Variants in PRDM15 observed in about 807,000 individuals in gnomAD.
PRDM15 encodes PR/SET domain 15.
PRDM15 carries 64 observed loss-of-function variants against 128.6 expected under a neutral mutation model. That is an observed-to-expected ratio of 0.50 (90% CI 0.41 to 0.61). PRDM15 has a LOEUF of 0.61. PRDM15 is among the 20% of genes least tolerant of loss of function. The pLI is 0.00. For synonymous variants in PRDM15, 615 were observed against 621.8 expected (o/e 0.99, Z 0.16); for missense variants, 1,242 against 1,569.1 (o/e 0.79, Z 3.52).
chr21:41,844,114 C>T (rs975716890), intron 6 of PRDM15, among the ~76,000 whole-genome samples: 3 of 152,096 alleles, frequency 2.0e-5, no homozygotes, highest in African/African-American at 7.2e-5. Context: ...CCTACACCAA[C>T]TCACAAAAGG....
chr21:41,822,810 G>A (rs561419902), intron 14 of PRDM15, among the ~76,000 whole-genome samples: 2 of 152,168 alleles, frequency 1.3e-5, no homozygotes, highest in East Asian at 3.9e-4. Flanking sequence ...TGAGGCAGGC[G>A]GATCACTTGA....
chr21:41,879,140 G>A lies in PRDM15; in HGVS notation c.-10+130C>T. 1 of 997,942 alleles carries A rather than the reference G, an allele frequency of 1.0e-6. No individual in the cohort carries two copies. The highest frequency in any genetic ancestry group is 1.2e-6 in the Non-Finnish European group (1 of 826,652). 61.8% of individuals were successfully genotyped at this position (997,942 alleles called of 1,614,324 possible). A position where few individuals can be genotyped will look rare whatever the true frequency, so the allele number is the denominator to read the frequency against. ...GGCGGCTGGACCGGGGCGGCGCGCG[G>A]CTGCCGGGCGCGGGGGGCGGGGGGC... is the stretch of plus-strand genomic sequence containing the variant. On this transcript the variant is annotated intron_variant, in intron 1 of 23. Coordinates refer to ENST00000398548, the MANE Select transcript of PRDM15 (RefSeq NM_001040424.3). This position sits in a 1 kb window ranked among gnomAD's most constrained non-coding sequence, Gnocchi z 5.1.
intron 1 of PRDM15, among the ~76,000 whole-genome samples, chr21:41,876,217 A>G (rs1569034337): frequency 6.6e-6 from 1 of 152,176 alleles, no homozygotes; most frequent in Non-Finnish European, 1.5e-5. Flanking sequence ...CTCCACTTCG[A>G]TAAATCATCA....
Position 41,854,648 on chromosome 21 carries a change from G to A in PRDM15, c.456C>T (p.Thr152=), listed in dbSNP as rs768949304. The change falls in exon 5 of 24, where the codon ACC becomes ACT. Residue 152 remains threonine, a synonymous_variant. Transcript: ENST00000398548. This position sits in a 1 kb window ranked among gnomAD's most constrained non-coding sequence, Gnocchi z 4.6. The part of the protein sequence containing the change: ...FTTSRDIPPG[T]ELRVWYAAFY... The stretch of plus-strand genomic sequence containing the variant: ...AGGCCGCATACCACACGCGCAGCTC[G>A]GTACCCGGGGGGATGTCTCTGGAGG... 21 of 1,613,636 alleles carry A rather than the reference G, an allele frequency of 1.3e-5. No homozygotes were observed. The highest frequency in any genetic ancestry group is 1.1e-4 in the East Asian group (5 of 44,890).
chr21:41,827,692 G>A (rs918801466), intron 12 of PRDM15, among the ~76,000 whole-genome samples: 3 of 152,118 alleles, frequency 2.0e-5, no homozygotes, highest in African/African-American at 7.2e-5. Context: ...TTTTCAACAA[G>A]CATATGCTTC....
chr21:41,822,505 G>A (rs907481259), intron 14 of PRDM15, among the ~76,000 whole-genome samples: 8 of 152,238 alleles, frequency 5.3e-5, no homozygotes, highest in Admixed American at 3.3e-4. Context: ...CAGCCACGGT[G>A]GGAGAGCAGT....
intron 14 of PRDM15, 33 bp from the exon 15 acceptor site, chr21:41,822,070 A>T: frequency 1.2e-6 from 2 of 1,612,186 alleles, no homozygotes; most frequent in Non-Finnish European, 1.7e-6. Context: ...GGTTTCTAAC[A>T]GCGCAGCAGA....
intron 1 of PRDM15, chr21:41,878,918 T>G: frequency 1.1e-6 from 1 of 945,950 alleles, no homozygotes; most frequent in South Asian, 4.9e-5. Flanking sequence ...GCGCTGGGCC[T>G]GGCCGCGGGC....
chr21:41,826,095 T>C (rs1358230542), intron 12 of PRDM15, 41 bp from the exon 13 acceptor site: 14 of 1,497,542 alleles, frequency 9.3e-6, no homozygotes, highest in South Asian at 3.4e-5. Flanking sequence ...TGAATACACA[T>C]AGAACACGCG....
chr21:41,835,420 G>C lies in PRDM15; in HGVS notation c.1366+17C>G. 6.3e-7 allele frequency: 1 copy of C among 1,599,442 alleles called. No individual in the cohort carries two copies. The highest frequency in any genetic ancestry group is 8.5e-7 in the Non-Finnish European group (1 of 1,173,838). On this transcript the variant is annotated intron_variant, in intron 11 of 23. Transcript: ENST00000398548. ...TACCGCACAGCGGCCGAGGGGAGAC[G>C]TGACCGGCGCCCTCACCTGTCCTGC...
In PRDM15 at chr21:41,802,779, T is replaced by TAG; in HGVS notation, c.2875_2876insCT (p.Glu959AlafsTer11). ...ACTGCCTGTGAACTCCGTCTCTTTC[T>TAG]CTGAGTATTCGCTGAAGGTGGCGTC... On this transcript the variant is annotated frameshift_variant, in exon 23 of 24. Coordinates refer to ENST00000398548, the MANE Select transcript of PRDM15 (RefSeq NM_001040424.3). LOFTEE classifies it high-confidence loss of function. 6.2e-7 allele frequency: 1 copy of TAG among 1,614,226 alleles called. No individual in the cohort carries two copies. The highest frequency in any genetic ancestry group is 8.5e-7 in the Non-Finnish European group (1 of 1,180,048).
At chr21:41,803,199 C>T (rs932278859) in intron 22 of PRDM15, 5 of 470,478 alleles carry the variant, frequency 1.1e-5, no homozygotes, top group Admixed American at 6.9e-5. Flanking sequence ...AGAAACTTAA[C>T]GTTTTAAGCC....
At chr21:41,858,247 C>A (rs1041949549) in intron 3 of PRDM15, among the ~76,000 whole-genome samples, 4 of 152,266 alleles carry the variant, frequency 2.6e-5, no homozygotes, top group Non-Finnish European at 2.9e-5. Context: ...GGCATAGGAG[C>A]CGGGACGAGC....
chr21:41,847,325 G>T, intron 5 of PRDM15, 134 bp from the exon 6 acceptor site: 1 of 613,558 alleles, frequency 1.6e-6, no homozygotes. Context: ...ACGGGCCTGT[G>T]GTCACTCCAC....
At position 41,836,581 on chromosome 21, in the gene PRDM15, A is replaced by T. The variant is rs1568956736; in HGVS notation, c.1070T>A (p.Ile357Asn). Reference protein sequence around the residue: ...RSLILSSRHGIRRKLIKQLGE... With the variant: ...RSLILSSRHGNRRKLIKQLGE... ...GAGCTGTTTGATGAGCTTGCGCCGGATGCCGTGTCTGCTTGAGAGAATTAA... is the reference window on the plus strand; with the variant it reads ...GAGCTGTTTGATGAGCTTGCGCCGGTTGCCGTGTCTGCTTGAGAGAATTAA... Residue 357 changes from isoleucine (I) to asparagine (N), a missense_variant, in exon 9 of 24, where the codon ATC (isoleucine) becomes AAC (asparagine). Around this residue, in one of 3 missense-constraint regions of PRDM15, gnomAD observed 612 missense variants for 717.0 expected, o/e 0.85. Transcript: ENST00000398548. The T allele has an allele frequency of 6.2e-7, 1 of 1,613,454 alleles. No individual in the cohort carries two copies. Among genetic ancestry groups the T allele is most frequent in the Non-Finnish European group, 8.5e-7 (1 of 1,179,914 alleles).
chr21:41,805,625 G>A (rs998773226), intron 21 of PRDM15, among the ~76,000 whole-genome samples: 2 of 152,044 alleles, frequency 1.3e-5, no homozygotes, highest in Admixed American at 6.6e-5. Context: ...TTGACACTGA[G>A]CACAGATCTA....
At chr21:41,815,682 C>T (rs764058897) in intron 19 of PRDM15, 23 bp downstream of exon 19, 14 of 1,608,984 alleles carry the variant, frequency 8.7e-6, no homozygotes, top group South Asian at 7.7e-5. Flanking sequence ...CCGTGGCTGG[C>T]GCGGCCCGGG....
chr21:41,827,257 G>A (rs541234235), intron 12 of PRDM15, among the ~76,000 whole-genome samples: 17 of 152,334 alleles, frequency 1.1e-4, no homozygotes, highest in Admixed American at 3.9e-4. Flanking sequence ...AAAGGAAAGT[G>A]CTAAAAGGTA....
chr21:41,854,897 G>A lies in PRDM15; in HGVS notation c.286-79C>T. 8 of 1,500,446 alleles carry A rather than the reference G, an allele frequency of 5.3e-6. No homozygotes were observed. The highest frequency in any genetic ancestry group is 7.2e-6 in the Non-Finnish European group (8 of 1,114,212). 92.9% of individuals were successfully genotyped at this position (1,500,446 alleles called of 1,614,324 possible). ...GTGTATCAGCGTGTGGGGGGCAGGT[G>A]CTGAGGAACCCATCTAGACAGTGCC... On this transcript the variant is annotated intron_variant, in intron 4 of 23. Transcript: ENST00000398548. The surrounding 1 kb of genome is among the most constrained non-coding windows in gnomAD (Gnocchi z 4.6).
Sources: allele counts gnomAD v4.1 joint callset (sites outside exome capture counted in the v4.1 genomes callset), GRCh38; gene constraint gnomAD v4.1.1; regional missense constraint gnomAD v4.1.1; non-coding constraint Gnocchi (gnomAD v3.1); transcripts MANE v1.5; gene names NCBI Gene and HGNC (gene_info 2026-07-23, HGNC 2026-07-21).